Variants in DNAJA4 observed in about 807,000 individuals in gnomAD.
The protein encoded by DNAJA4 is dnaJ homolog subfamily A member 4.
A neutral mutation model predicts 39.7 loss-of-function variants in DNAJA4; 32 were observed. The ratio of observed to expected loss-of-function variants is 0.81; its 90% CI spans 0.61 to 1.08. DNAJA4 has a LOEUF of 1.08. DNAJA4 is among the 50% of genes least tolerant of loss of function. DNAJA4 has a pLI of 0.00. For synonymous variants in DNAJA4, 184 were observed against 182.4 expected (o/e 1.01, Z -0.07); for missense variants, 439 against 505.1 (o/e 0.87, Z 1.25).
At position 78,274,430 on chromosome 15, in the gene DNAJA4, G is replaced by T. The variant is rs777332373; in HGVS notation, c.646+6G>T. ...CGAGGTACATGTTGAAAAAGGTGAGGCTGCGCAGAGCTGGTGCTCCACACG... is the reference window on the plus strand; with the variant it reads ...CGAGGTACATGTTGAAAAAGGTGAGTCTGCGCAGAGCTGGTGCTCCACACG... On this transcript the variant is annotated splice_donor_region_variant and intron_variant, in intron 4 of 6. Coordinates refer to ENST00000394852, the MANE Select transcript of DNAJA4 (RefSeq NM_001130182.2). The T allele has an allele frequency of 2.5e-6, 4 of 1,612,648 alleles. No individual in the cohort carries two copies. Among genetic ancestry groups the T allele is most frequent in the Non-Finnish European group, 3.4e-6 (4 of 1,179,242 alleles).
In DNAJA4 at chr15:78,273,153, G is replaced by A. The variant is rs74978019; in HGVS notation, c.372G>A (p.Thr124=). ...TTGAAGATCTATATAATGGAGTCAC[G>A]AAGAAATTGGCCCTCCAGAAAAATG... The part of the protein sequence containing the change: ...VTLEDLYNGV[T]KKLALQKNVI... Residue 124 remains threonine (T), a synonymous_variant, in exon 3 of 7, where the codon ACG becomes ACA. Coordinates refer to ENST00000394852, the MANE Select transcript of DNAJA4 (RefSeq NM_001130182.2). 7,924 of 1,606,082 alleles carry A rather than the reference G, an allele frequency of 4.9e-3. 35 individuals carry two copies. Among genetic ancestry groups the A allele is most frequent in the Non-Finnish European group, 6.2e-3 (7,225 of 1,172,834 alleles).
At chr15:78,277,401 G>A (rs2049499150) in intron 5 of DNAJA4, among the ~76,000 whole-genome samples, 1 of 152,078 alleles carries the variant, frequency 6.6e-6, no homozygotes, top group South Asian at 2.1e-4. Flanking sequence ...ACTTAATCCA[G>A]GATTGGGGGA....
At chr15:78,264,213 G>A (rs1344917394), upstream of DNAJA4, 3 of 844,154 alleles carry the variant, frequency 3.6e-6, no homozygotes, top group Non-Finnish European at 4.9e-6. Context: ...CAGCCAGCCG[G>A]CTCCACGGAC....
chr15:78,278,187 C>A (rs1311133611), intron 5 of DNAJA4: 2 of 456,068 alleles, frequency 4.4e-6, no homozygotes, highest in Non-Finnish European at 8.8e-6. Flanking sequence ...GAGAGCCTAA[C>A]TCGTGGTCTT....
At chr15:78,264,451 G>A (rs949055317), upstream of DNAJA4, 68 of 1,326,204 alleles carry the variant, frequency 5.1e-5, no homozygotes, top group Non-Finnish European at 6.3e-5. Flanking sequence ...AACCCGCCGC[G>A]GGGCCGCCGG....
At chr15:78,274,586 T>C (rs1009707164) in intron 4 of DNAJA4, 162 bp downstream of exon 4, 6 of 671,758 alleles carry the variant, frequency 8.9e-6, no homozygotes, top group Non-Finnish European at 1.5e-5. Flanking sequence ...TCACCCTTCC[T>C]GGCCTTATTT....
intron 5 of DNAJA4, among the ~76,000 whole-genome samples, chr15:78,276,040 A>G (rs2049447491): frequency 6.6e-6 from 1 of 152,256 alleles, no homozygotes; most frequent in Non-Finnish European, 1.5e-5. Context: ...TGGATAATTT[A>G]TAAAGTTCTT....
At chr15:78,280,217 CCTTT>C in intron 6 of DNAJA4, 24 bp from the exon 7 acceptor site, 1 of 1,611,866 alleles carries the variant, frequency 6.2e-7, no homozygotes, top group Non-Finnish European at 8.5e-7. Context: ...AAAACAGCCA[CCTTT>C]CTTTCCCACC....
At chr15:78,267,124 T>TTGTGTG (rs1555437996) in intron 1 of DNAJA4, among the ~76,000 whole-genome samples, 3 of 77,118 alleles carry the variant, frequency 3.9e-5, no homozygotes, top group African/African-American at 1.4e-4. Context: ...TGCAGGCCTT[T>TTGTGTG]TGTGAGTGTG....
chr15:78,272,474 T>A (rs2049328887), intron 2 of DNAJA4, among the ~76,000 whole-genome samples: 1 of 152,232 alleles, frequency 6.6e-6, no homozygotes, highest in Non-Finnish European at 1.5e-5. Context: ...CTCATCTCAG[T>A]GACTGCAGGA....
At position 78,273,176 on chromosome 15, in the gene DNAJA4, A is replaced by G. The variant is rs1472338750; in HGVS notation, c.395A>G (p.Asn132Ser). The change falls in exon 3 of 7, where the codon AAT becomes AGT. Residue 132 changes from asparagine (N) to serine (S), a missense_variant. Coordinates refer to ENST00000394852, the MANE Select transcript of DNAJA4 (RefSeq NM_001130182.2). ...ACGAAGAAATTGGCCCTCCAGAAAA[A>G]TGTAATTTGTGAGAAATGTGAAGGT... ...GVTKKLALQK[N>S]VICEKCEGVG... The G allele has an allele frequency of 1.3e-6, 2 of 1,599,820 alleles. No individual in the cohort carries two copies. The highest frequency in any genetic ancestry group is 4.5e-5 in the East Asian group (2 of 44,788).
At chr15:78,267,038 G>C (rs928292881) in intron 1 of DNAJA4, among the ~76,000 whole-genome samples, 1 of 152,140 alleles carries the variant, frequency 6.6e-6, no homozygotes, top group Admixed American at 6.5e-5. Context: ...TCCCCAGAGA[G>C]AGCTCATTCA....
chr15:78,278,162 G>C (rs2049528329), intron 5 of DNAJA4: 3 of 455,902 alleles, frequency 6.6e-6, no homozygotes, highest in Non-Finnish European at 1.3e-5. Flanking sequence ...CTGCAGGCAG[G>C]TATTTACCTG....
intron 1 of DNAJA4, among the ~76,000 whole-genome samples, chr15:78,269,177 A>G (rs2049226327): frequency 6.6e-6 from 1 of 152,204 alleles, no homozygotes; most frequent in Non-Finnish European, 1.5e-5. Context: ...TTTTACTCCC[A>G]GTGACGTGGG....
upstream of DNAJA4, chr15:78,264,440 G>A (rs951118785): frequency 7.5e-7 from 1 of 1,331,394 alleles, no homozygotes; most frequent in South Asian, 1.9e-5. Context: ...TCTGGGCCGC[G>A]AACCCGCCGC....
rs2049066058 is a variant in DNAJA4, at chr15:78,264,642, C to CGACCGT, written c.-112_-107dup. 11 of 1,016,212 alleles carry CGACCGT rather than the reference C, an allele frequency of 1.1e-5. No individual in the cohort carries two copies. The highest frequency in any genetic ancestry group is 1.8e-5 in the African/African-American group (1 of 56,996). The allele number at this position is 1,016,212 out of a possible 1,614,324, so 62.9% of individuals were successfully genotyped here. ...GAGCTACAAGCGGCGGCGGCGGCGG[C>CGACCGT]GACCGTGACCGTGACGCGCGAGCGG... On this transcript the variant is annotated 5_prime_UTR_variant, in exon 1 of 7. Transcript: ENST00000394852.
intron 2 of DNAJA4, among the ~76,000 whole-genome samples, chr15:78,271,254 G>A (rs922628259): frequency 3.9e-5 from 6 of 152,186 alleles, no homozygotes; most frequent in African/African-American, 9.7e-5. Context: ...GAAGTTCATC[G>A]TGCCTTCTTT....
chr15:78,264,820 G>A lies in DNAJA4; in HGVS notation c.57G>A (p.Pro19=), dbSNP rs913811412. 1.2e-6 allele frequency: 2 copies of A among 1,611,166 alleles called. No homozygotes were observed. The highest frequency in any genetic ancestry group is 8.5e-7 in the Non-Finnish European group (1 of 1,178,608). Reference sequence around the variant, plus strand: ...TGGGCGTGAAGCCCAGCGCGTCCCCGGAGGAGATCAAGAAGGCCTATCGGA... The same window carrying A: ...TGGGCGTGAAGCCCAGCGCGTCCCCAGAGGAGATCAAGAAGGCCTATCGGA... ...DILGVKPSAS[P]EEIKKAYRKL... The change falls in exon 1 of 7, where the codon CCG becomes CCA. Residue 19 remains proline (P), a synonymous_variant. Transcript: ENST00000394852.
At chr15:78,268,867 G>A (rs1409454580) in intron 1 of DNAJA4, among the ~76,000 whole-genome samples, 2 of 152,238 alleles carry the variant, frequency 1.3e-5, no homozygotes, top group East Asian at 3.8e-4. Flanking sequence ...TTGTTAGAAG[G>A]TGGTTCATGA....
Sources: gnomAD v4.1 joint callset for allele counts (sites outside exome capture counted in the v4.1 genomes callset) on GRCh38, gnomAD v4.1.1 for gene constraint, MANE v1.5 for transcripts, NCBI Gene and HGNC (gene_info 2026-07-23, HGNC 2026-07-21) for gene names.